SLC9A9: variants seen among roughly 807,000 people sequenced by gnomAD.
The protein encoded by SLC9A9 is sodium/hydrogen exchanger 9.
Under a neutral mutation model 77.8 loss-of-function variants are expected in SLC9A9, and 62 were observed. The observed-to-expected ratio is 0.80, with a 90% CI of 0.65 to 0.98. The LOEUF (loss-of-function observed/expected upper bound fraction) is 0.98. SLC9A9 is among the 50% of genes least tolerant of loss of function. The pLI is 0.00. For synonymous variants in SLC9A9, 320 were observed against 283.5 expected, an observed-to-expected ratio of 1.13 and a Z score of -1.29; for missense variants, 775 against 774.9, an observed-to-expected ratio of 1.00 and a Z score of 0.00.
At chr3:143,723,887 G>A (rs550200917) in intron 4 of SLC9A9, among the ~76,000 whole-genome samples, 2 of 152,234 alleles carry the variant, frequency 1.3e-5, no homozygotes, top group African/African-American at 4.8e-5. Flanking sequence ...AAGATTCCCA[G>A]GTGATTCGAA....
chr3:143,767,096 T>A (rs1402797596), intron 4 of SLC9A9, among the ~76,000 whole-genome samples: 1 of 152,120 alleles, frequency 6.6e-6, no homozygotes, highest in Non-Finnish European at 1.5e-5. Context: ...GGTTATGGTG[T>A]TTATAACACG....
chr3:143,306,888 C>T (rs1323833109), intron 14 of SLC9A9, among the ~76,000 whole-genome samples: 2 of 152,218 alleles, frequency 1.3e-5, no homozygotes, highest in Non-Finnish European at 2.9e-5. Flanking sequence ...CTCAAACATG[C>T]TTTTCTCTTC....
At chr3:143,482,528 C>T (rs994206610) in intron 11 of SLC9A9, among the ~76,000 whole-genome samples, 1 of 152,154 alleles carries the variant, frequency 6.6e-6, no homozygotes, top group African/African-American at 2.4e-5. Context: ...CTACAACCTT[C>T]CCAGGTGCTT....
chr3:143,325,077 G>GAAA (rs74269489), intron 14 of SLC9A9, among the ~76,000 whole-genome samples: 16 of 77,982 alleles, frequency 2.1e-4, no homozygotes, highest in Admixed American at 7.7e-4. Context: ...TTATTAACCA[G>GAAA]AAAAAAAAAA....
intron 9 of SLC9A9, among the ~76,000 whole-genome samples, chr3:143,536,899 C>T (rs992918403): frequency 7.2e-5 from 11 of 152,178 alleles, no homozygotes; most frequent in African/African-American, 2.7e-4. Flanking sequence ...AGCGCTGCTG[C>T]ATATTAGAAC....
chr3:143,582,570 C>G (rs2037474813), intron 6 of SLC9A9, among the ~76,000 whole-genome samples: 1 of 152,170 alleles, frequency 6.6e-6, no homozygotes, highest in African/African-American at 2.4e-5. Context: ...CTGAACTAGT[C>G]ACTTTTGCAT....
At chr3:143,752,060 G>T (rs781587838) in intron 4 of SLC9A9, among the ~76,000 whole-genome samples, 3 of 152,170 alleles carry the variant, frequency 2.0e-5, no homozygotes, top group Admixed American at 1.3e-4. Flanking sequence ...TCAGAAACAG[G>T]TTCAGAGTTA....
intron 4 of SLC9A9, among the ~76,000 whole-genome samples, chr3:143,788,428 C>T (rs935645015): frequency 1.4e-4 from 22 of 152,240 alleles, no homozygotes; most frequent in African/African-American, 5.1e-4. Context: ...TGGTGGCTCA[C>T]GCCTGTAATC....
chr3:143,407,720 A>G (rs2034009322), intron 12 of SLC9A9, among the ~76,000 whole-genome samples: 1 of 152,342 alleles, frequency 6.6e-6, no homozygotes, highest in Middle Eastern at 3.4e-3. Flanking sequence ...AGTTCCTCCC[A>G]TGGAAAAGTG....
intron 14 of SLC9A9, among the ~76,000 whole-genome samples, chr3:143,312,330 T>C (rs554098183): frequency 6.6e-6 from 1 of 152,370 alleles, no homozygotes; most frequent in African/African-American, 2.4e-5. Context: ...AAAGCACCTC[T>C]ACCAAAGGTC....
chr3:143,679,721 C>T (rs1933019628), intron 5 of SLC9A9, among the ~76,000 whole-genome samples: 1 of 152,000 alleles, frequency 6.6e-6, no homozygotes. Flanking sequence ...GTTGATACTC[C>T]TAAAGGAACA....
intron 11 of SLC9A9, among the ~76,000 whole-genome samples, chr3:143,473,019 T>TC (rs1049228310): frequency 2.1e-4 from 31 of 145,748 alleles, no homozygotes; most frequent in African/African-American, 6.8e-4. Context: ...TTTTTTTTTT[T>TC]CACTAGAAGT....
At chr3:143,390,396 C>T (rs1351458477) in intron 12 of SLC9A9, among the ~76,000 whole-genome samples, 1 of 152,176 alleles carries the variant, frequency 6.6e-6, no homozygotes, top group African/African-American at 2.4e-5. Context: ...CCTCGGTTTC[C>T]TTTTCCACAA....
At chr3:143,770,248 A>G (rs2007470286) in intron 4 of SLC9A9, among the ~76,000 whole-genome samples, 1 of 152,180 alleles carries the variant, frequency 6.6e-6, no homozygotes, top group Admixed American at 6.5e-5. Flanking sequence ...AATTCTTGGA[A>G]AAAAGGAAGA....
intron 6 of SLC9A9, among the ~76,000 whole-genome samples, chr3:143,612,549 A>C (rs1049352600): frequency 6.6e-5 from 10 of 152,248 alleles, no homozygotes; most frequent in African/African-American, 2.4e-4. Flanking sequence ...GATCGAAAGC[A>C]GAGGTAAGTA....
intron 14 of SLC9A9, among the ~76,000 whole-genome samples, chr3:143,357,570 T>G (rs756720096): frequency 6.6e-6 from 1 of 152,178 alleles, no homozygotes; most frequent in Non-Finnish European, 1.5e-5. Context: ...GAAACACTTA[T>G]GAAAATGGCA....
intron 8 of SLC9A9, among the ~76,000 whole-genome samples, chr3:143,560,189 T>C (rs2037056822): frequency 1.3e-5 from 2 of 152,274 alleles, no homozygotes; most frequent in South Asian, 4.2e-4. Context: ...AGGTTTGGGG[T>C]AGAGCCCCCA....
At chr3:143,704,948 C>T (rs562950111) in intron 4 of SLC9A9, among the ~76,000 whole-genome samples, 5 of 143,174 alleles carry the variant, frequency 3.5e-5, no homozygotes, top group Non-Finnish European at 7.8e-5. Context: ...GCTGAGATGG[C>T]CCCATTGCAC....
At chr3:143,483,172 C>T (rs147501192) in intron 11 of SLC9A9, among the ~76,000 whole-genome samples, 5 of 152,294 alleles carry the variant, frequency 3.3e-5, no homozygotes, top group African/African-American at 1.2e-4. Context: ...TTTCATGTTC[C>T]TAGTCGTCAT....
Sources: allele counts gnomAD v4.1 joint callset (sites outside exome capture counted in the v4.1 genomes callset), GRCh38; gene constraint gnomAD v4.1.1; transcripts MANE v1.5; gene names NCBI Gene and HGNC (gene_info 2026-07-23, HGNC 2026-07-21).